The following ARAP3 variants were observed in gnomAD, a reference collection of about 807,000 sequenced individuals.
ARAP3 encodes ArfGAP with RhoGAP domain, ankyrin repeat and PH domain 3, also known as arf-GAP with Rho-GAP domain, ANK repeat and PH domain-containing protein 3.
A neutral mutation model predicts 169.2 loss-of-function variants in ARAP3; 82 were observed. The observed-to-expected ratio is 0.48, with a 90% CI of 0.41 to 0.58. ARAP3 has a LOEUF of 0.58. ARAP3 is among the 20% of genes least tolerant of loss of function. The pLI, the probability that ARAP3 is intolerant of heterozygous loss-of-function variation, is 0.00. For missense variants in ARAP3, 1,764 were observed against 2,018.0 expected (o/e 0.87, Z 2.41); for synonymous variants, 791 against 800.3 (o/e 0.99, Z 0.20).
Position 141,671,889 on chromosome 5 carries a change from G to C in ARAP3, c.1671+6C>G. ...CCTCCCACCTTCTCCCTCTTCGCCC[G>C]CTCACCTGTACTATCTCATTACTCC... On this transcript the variant is annotated splice_donor_region_variant and intron_variant, in intron 11 of 32. Coordinates refer to ENST00000239440, the MANE Select transcript of ARAP3 (RefSeq NM_022481.6). This position sits in a 1 kb window ranked among gnomAD's most constrained non-coding sequence, Gnocchi z 4.9. 2 of 1,614,126 alleles carry C rather than the reference G, an allele frequency of 1.2e-6. No homozygotes were observed. Among genetic ancestry groups the C allele is most frequent in the Non-Finnish European group, 1.7e-6 (2 of 1,180,008 alleles).
chr5:141,666,690 A>T, intron 16 of ARAP3, 47 bp from the exon 17 acceptor site: 1 of 1,057,856 alleles, frequency 9.5e-7, no homozygotes, highest in Non-Finnish European at 1.3e-6. Flanking sequence ...GGGGGAAGAG[A>T]CAAGGAATAG....
intron 31 of ARAP3, 43 bp from the exon 32 acceptor site, chr5:141,655,443 A>G (rs778825308): frequency 6.3e-7 from 1 of 1,585,344 alleles, no homozygotes; most frequent in East Asian, 2.3e-5. Flanking sequence ...GAAAGACATA[A>G]AGACACAGTG....
Position 141,662,301 on chromosome 5 carries a change from C to A in ARAP3, c.2801-46G>T, listed in dbSNP as rs755142438. On this transcript the variant is annotated intron_variant, in intron 19 of 32. Coordinates refer to ENST00000239440, the MANE Select transcript of ARAP3 (RefSeq NM_022481.6). ...CTGCTCACCATGGTGCAAAGGCTAC[C>A]ACCACCCACCACGGCCCATCTGTGG... is the stretch of plus-strand genomic sequence containing the variant. 3.8e-6 allele frequency: 6 copies of A among 1,590,520 alleles called. No individual in the cohort carries two copies. In the East Asian group the frequency reaches 1.3e-4, roughly 36 times the overall value.
Position 141,670,636 on chromosome 5 carries a change from G to A in ARAP3, c.1991-8C>T, listed in dbSNP as rs1221881842. On this transcript the variant is annotated splice_region_variant and splice_polypyrimidine_tract_variant and intron_variant, in intron 13 of 32. Coordinates refer to ENST00000239440, the MANE Select transcript of ARAP3 (RefSeq NM_022481.6). ...ACACACCAGGGGAGGGGTCTGCAAG[G>A]GGAAGGGGAAGTAGTCAGGTCAACC... The A allele has an allele frequency of 1.2e-6, 2 of 1,611,844 alleles. No homozygotes were observed. Among genetic ancestry groups the A allele is most frequent in the South Asian group, 2.2e-5 (2 of 91,052 alleles).
chr5:141,673,420 A>G lies in ARAP3; in HGVS notation c.953T>C (p.Met318Thr), dbSNP rs756784339. ...CCCCACCTTGTCACTGCCAAAGTAC[A>G]TCAGACTCCTCCCATTGAACTGCAC... The part of the protein sequence containing the change: ...RFVQFNGRSL[M>T]YFGSDKDPFP... Residue 318 changes from methionine to threonine, a missense_variant, in exon 6 of 33, where the codon ATG becomes ACG. Coordinates refer to ENST00000239440, the MANE Select transcript of ARAP3 (RefSeq NM_022481.6). 98 of 1,613,976 alleles carry G rather than the reference A, an allele frequency of 6.1e-5. No homozygotes were observed. The highest frequency in any genetic ancestry group is 7.3e-5 in the Non-Finnish European group (86 of 1,180,042).
At position 141,656,773 on chromosome 5, in the gene ARAP3, T is replaced by G; in HGVS notation, c.3600A>C (p.Ser1200=). The G allele has an allele frequency of 6.2e-7, 1 of 1,612,166 alleles. No individual in the cohort carries two copies. Among genetic ancestry groups the G allele is most frequent in the Non-Finnish European group, 8.5e-7 (1 of 1,179,140 alleles). Residue 1200 remains serine (S), a synonymous_variant, in exon 26 of 33, where the codon TCA becomes TCC. Coordinates refer to ENST00000239440, the MANE Select transcript of ARAP3 (RefSeq NM_022481.6). ...LQWCQLPEPC[S]ASLLLKKVPL... ...GGACTTTTTTCAAGAGCAGGGAAGC[T>G]GAGCAGGGCTCTGGGAGCTGGCACC...
intron 16 of ARAP3, among the ~76,000 whole-genome samples, chr5:141,669,301 G>T (rs2099911124): frequency 1.3e-5 from 2 of 152,172 alleles, no homozygotes; most frequent in African/African-American, 4.8e-5. Context: ...TTGCCTCCGG[G>T]CCTGCTGGAA....
chr5:141,655,315 G>A (rs777855990), intron 32 of ARAP3, 47 bp downstream of exon 32: 1 of 1,555,644 alleles, frequency 6.4e-7, no homozygotes, highest in Admixed American at 1.9e-5. Context: ...CAGCACAGAG[G>A]AATACAGGGT....
At position 141,672,647 on chromosome 5, in the gene ARAP3, C is replaced by T; in HGVS notation, c.1290G>A (p.Leu430=). The T allele has an allele frequency of 6.2e-7, 1 of 1,613,708 alleles. No homozygotes were observed. The highest frequency in any genetic ancestry group is 8.5e-7 in the Non-Finnish European group (1 of 1,179,764). ...ALYKSEQAFS[L]GIGICFIELQ... ...GTTCGATGAAGCAGATCCCGATGCC[C>T]AGAGAGAAGGCCTGGTGGGGTCAGG... The change falls in exon 9 of 33, where the codon CTG becomes CTA. Residue 430 remains leucine (L), a synonymous_variant. Coordinates refer to ENST00000239440, the MANE Select transcript of ARAP3 (RefSeq NM_022481.6). This position sits in a 1 kb window ranked among gnomAD's most constrained non-coding sequence, Gnocchi z 4.9.
rs990076359 is a variant in ARAP3 at position 141,665,465 on chromosome 5, G to A, written c.2573-91C>T. 9 of 1,366,846 alleles carry A rather than the reference G, an allele frequency of 6.6e-6. No individual in the cohort carries two copies. In the African/African-American group the frequency reaches 1.0e-4, roughly 15 times the overall value. The allele number at this position is 1,366,846 out of a possible 1,614,324, so 84.7% of individuals were successfully genotyped here. On this transcript the variant is annotated intron_variant, in intron 17 of 32. Coordinates refer to ENST00000239440, the MANE Select transcript of ARAP3 (RefSeq NM_022481.6). ...AATGCTTAACGTGCATAGATGCCAG[G>A]CTAGGAGCATTACAAAAAACGTTCA... is the stretch of plus-strand genomic sequence containing the variant.
chr5:141,672,064 C>T lies in ARAP3; in HGVS notation c.1585+38G>A, dbSNP rs775363437. On this transcript the variant is annotated intron_variant, in intron 10 of 32. Coordinates refer to ENST00000239440, the MANE Select transcript of ARAP3 (RefSeq NM_022481.6). The surrounding 1 kb of genome is among the most constrained non-coding windows in gnomAD (Gnocchi z 4.9). ...GTACCCTGAGCCCTCTAGTCCCAGC[C>T]CTCCTGTTCCCCACATGGGCTTGAG... 6.2e-7 allele frequency: 1 copy of T among 1,614,030 alleles called. No homozygotes were observed.
rs2099909518 is a variant in ARAP3 at position 141,658,462 on chromosome 5, A to T, written c.3429T>A (p.Thr1143=). 1 of 1,614,168 alleles carries T rather than the reference A, an allele frequency of 6.2e-7. No homozygotes were observed. The highest frequency in any genetic ancestry group is 8.5e-7 in the Non-Finnish European group (1 of 1,180,028). ...GTACCTGGTTAGTCAGCTCCTCAGC[A>T]GTCAGGGTTGGGGACACCTGGGGTC... ...CVTLKVSPTL[T]AEELTNQVLE... Residue 1143 remains threonine, a synonymous_variant, in exon 25 of 33, where the codon ACT becomes ACA. Coordinates refer to ENST00000239440, the MANE Select transcript of ARAP3 (RefSeq NM_022481.6).
At position 141,654,277 on chromosome 5, in the gene ARAP3, C is replaced by A; in HGVS notation, c.4308G>T (p.Glu1436Asp). 6.2e-7 allele frequency: 1 copy of A among 1,614,150 alleles called. No homozygotes were observed. Among genetic ancestry groups the A allele is most frequent in the East Asian group, 2.2e-5 (1 of 44,876 alleles). ...ATGACTTCTGGCTGGTGAGGGGGTTCTCTGGCTTCACTGTCCACTCCCGTG... is the reference window on the plus strand; with the variant it reads ...ATGACTTCTGGCTGGTGAGGGGGTTATCTGGCTTCACTGTCCACTCCCGTG... ...STTREWTVKP[E>D]NPLTSQKSLD... The change falls in exon 33 of 33, where the codon GAG becomes GAT. Residue 1436 changes from glutamate (E) to aspartate (D), a missense_variant. Transcript: ENST00000239440.
rs766946715 is a variant in ARAP3, at chr5:141,654,076, C to T, written c.4509G>A (p.Leu1503=). ...ILRKGETTAG[L]GSPSQPSSPQ... is the part of the protein sequence containing the mutation. ...GGCTGGATGGCTGGGAAGGACTTCC[C>T]AGGCCTGCAGTGGTCTCTCCTTTCC... Residue 1503 remains leucine, a synonymous_variant, in exon 33 of 33, where the codon CTG becomes CTA. Transcript: ENST00000239440. The T allele has an allele frequency of 1.2e-6, 2 of 1,608,330 alleles. No individual in the cohort carries two copies. The highest frequency in any genetic ancestry group is 1.7e-6 in the Non-Finnish European group (2 of 1,176,894).
chr5:141,662,286 T>C, intron 19 of ARAP3, 31 bp from the exon 20 acceptor site: 1 of 1,610,496 alleles, frequency 6.2e-7, no homozygotes. Context: ...CTGCTCACCA[T>C]GGTGCAAAGG....
intron 4 of ARAP3, among the ~76,000 whole-genome samples, chr5:141,675,695 C>G (rs1254536734): frequency 6.6e-6 from 1 of 151,780 alleles, no homozygotes; most frequent in Non-Finnish European, 1.5e-5. Context: ...TGTACTCCAG[C>G]CTGGGCAACA....
rs771762212 is a variant in ARAP3, at chr5:141,673,065, CTTG to C, written c.1038_1040del (p.Asn346del). The C allele has an allele frequency of 1.5e-5, 25 of 1,614,106 alleles. No homozygotes were observed. In the East Asian group the frequency reaches 2.0e-4, roughly 13 times the overall value. On this transcript the variant is annotated inframe_deletion, in exon 7 of 33. Transcript: ENST00000239440. ...CCCTCTGGCCGGTGATGACCTGGAA[CTTG>C]TTGTCCTTGCTGCTGCGGGTCATCT...
chr5:141,673,496 GT>G (rs1421759480), intron 5 of ARAP3, 26 bp from the exon 6 acceptor site: 2 of 1,614,048 alleles, frequency 1.2e-6, no homozygotes, highest in Admixed American at 1.7e-5. Context: ...GCCAAGATCA[GT>G]GTTTGAGGTT....
At chr5:141,670,215 C>T in intron 14 of ARAP3, 152 bp from the exon 15 acceptor site, 1 of 1,182,600 alleles carries the variant, frequency 8.5e-7, no homozygotes, top group Non-Finnish European at 1.2e-6. Context: ...TATACTCAGT[C>T]CTGTTTTGCA....
Sources: allele counts gnomAD v4.1 joint callset (sites outside exome capture counted in the v4.1 genomes callset), GRCh38; gene constraint gnomAD v4.1.1; non-coding constraint Gnocchi (gnomAD v3.1); transcripts MANE v1.5; gene names NCBI Gene and HGNC (gene_info 2026-07-23, HGNC 2026-07-21).